The following NEU3 variants were observed in gnomAD, a reference collection of about 807,000 sequenced individuals.
NEU3 encodes sialidase-3.
In NEU3, 10 loss-of-function variants were observed where a neutral mutation model predicts 11.4. The ratio of observed to expected loss-of-function variants is 0.88; its 90% CI spans 0.54 to 1.49. The LOEUF (loss-of-function observed/expected upper bound fraction) is 1.49, where lower values mean the gene tolerates loss of function less well. NEU3 is among the 40% of genes most tolerant of loss of function. The pLI, the probability that NEU3 is intolerant of heterozygous loss-of-function variation, is 0.00. For missense variants in NEU3, 529 were observed against 581.8 expected (o/e 0.91, Z 0.93); for synonymous variants, 212 against 228.2 (o/e 0.93, Z 0.64).
chr11:75,000,098 T>C (rs1948827634), intron 2 of NEU3, among the ~76,000 whole-genome samples: 1 of 152,214 alleles, frequency 6.6e-6, no homozygotes, highest in African/African-American at 2.4e-5. Context: ...TCCTATCTTG[T>C]ATTCCCTTTA....
At chr11:75,002,819 T>A in intron 2 of NEU3, among the ~76,000 whole-genome samples, 1 of 152,362 alleles carries the variant, frequency 6.6e-6, no homozygotes, top group Non-Finnish European at 1.5e-5. Flanking sequence ...TTTTGCTTAT[T>A]TTTAATCTAT....
At chr11:74,991,199 C>T (rs1008917050) in intron 1 of NEU3, among the ~76,000 whole-genome samples, 10 of 152,128 alleles carry the variant, frequency 6.6e-5, no homozygotes, top group African/African-American at 1.4e-4. Context: ...CTGACCCTCC[C>T]GGGGAGGAGA....
At chr11:74,994,851 C>CA (rs1442002395) in intron 2 of NEU3, 131 bp downstream of exon 2, 3 of 841,786 alleles carry the variant, frequency 3.6e-6, no homozygotes, top group Non-Finnish European at 6.0e-6. Flanking sequence ...GAAAAAACAG[C>CA]AAAAACAATG....
chr11:74,997,949 C>T (rs1382203011), intron 2 of NEU3, among the ~76,000 whole-genome samples: 3 of 152,168 alleles, frequency 2.0e-5, no homozygotes, highest in African/African-American at 7.2e-5. Flanking sequence ...TGGCTTTCAA[C>T]ATGCCTTCCT....
chr11:75,008,379 G>C lies in NEU3; in HGVS notation c.*1887G>C, dbSNP rs1948920752. The C allele has an allele frequency of 6.6e-6, 1 of 152,152 alleles. No homozygotes were observed. The highest frequency in any genetic ancestry group is 1.5e-5 in the Non-Finnish European group (1 of 68,068). 9.4% of individuals were successfully genotyped at this position (152,152 alleles called of 1,614,324 possible). On this transcript the variant is annotated 3_prime_UTR_variant, in exon 3 of 3. Transcript: ENST00000294064. ...GGAGGTCTAGGGATGGGCAGGATTGGTGCAGGGAGGAATTGGGGAAGGGGA... is the reference window on the plus strand; with the variant it reads ...GGAGGTCTAGGGATGGGCAGGATTGCTGCAGGGAGGAATTGGGGAAGGGGA...
the NEU3 span, among the ~76,000 whole-genome samples, chr11:74,981,447 C>A: frequency 6.6e-6 from 1 of 152,172 alleles, no homozygotes; most frequent in Non-Finnish European, 1.5e-5. Flanking sequence ...TTGAAATGAG[C>A]AAATTTGCCT....
upstream of NEU3, among the ~76,000 whole-genome samples, chr11:74,987,015 G>T (rs980391008): frequency 6.6e-6 from 1 of 152,170 alleles, no homozygotes; most frequent in South Asian, 2.1e-4. Flanking sequence ...GGGAAGAAAA[G>T]GTGAGCAATA....
rs1008581005 is a variant in NEU3, at chr11:75,005,579, G to A, written c.473G>A (p.Arg158His). 17 of 1,613,866 alleles carry A rather than the reference G, an allele frequency of 1.1e-5. No individual in the cohort carries two copies. The Admixed American group carries it at 1.3e-4, about 13-fold the overall frequency. ...ATTGTGTCAGGCAGGAATGCTGCCCGCCTTTGCTTCATCTACAGTCAGGAT... is the reference window on the plus strand; with the variant it reads ...ATTGTGTCAGGCAGGAATGCTGCCCACCTTTGCTTCATCTACAGTCAGGAT... ...QQIVSGRNAARLCFIYSQDAG... is the reference protein window; with the variant it reads ...QQIVSGRNAAHLCFIYSQDAG... Residue 158 changes from arginine to histidine, a missense_variant, in exon 3 of 3, where the codon CGC becomes CAC. Coordinates refer to ENST00000294064, the MANE Select transcript of NEU3 (RefSeq NM_006656.6).
chr11:74,984,938 A>G (rs1332870013), upstream of NEU3, among the ~76,000 whole-genome samples: 4 of 152,204 alleles, frequency 2.6e-5, no homozygotes, highest in Non-Finnish European at 4.4e-5. Context: ...GAGGAACCTG[A>G]GGCACAGAAG....
At chr11:74,987,511 T>C (rs1948677239), upstream of NEU3, among the ~76,000 whole-genome samples, 1 of 152,120 alleles carries the variant, frequency 6.6e-6, no homozygotes, top group Admixed American at 6.5e-5. Flanking sequence ...GGGGACAAAA[T>C]AGTATTTTAA....
At chr11:74,989,950 A>G (rs1192806344) in intron 1 of NEU3, 2 of 702,376 alleles carry the variant, frequency 2.8e-6, no homozygotes, top group Admixed American at 2.0e-5. Context: ...ATTATTTTCT[A>G]TCCCGTTTCC....
At chr11:74,987,893 TTTTTC>T (rs1353198556), upstream of NEU3, among the ~76,000 whole-genome samples, 1,584 of 17,814 alleles carry the variant, frequency 0.089, 87 homozygotes, top group East Asian at 0.27. Context: ...GGCCTTTTTT[TTTTTC>T]TTTTTTTTTT....
chr11:75,019,408 C>A (rs138661828), downstream of NEU3, among the ~76,000 whole-genome samples: 729 of 152,320 alleles, frequency 4.8e-3, 9 homozygotes, highest in African/African-American at 0.016. Context: ...CTGTGTGCAG[C>A]CTAGGGACTT....
the NEU3 span, among the ~76,000 whole-genome samples, chr11:74,982,837 A>G: frequency 6.6e-6 from 1 of 152,156 alleles, no homozygotes; most frequent in Non-Finnish European, 1.5e-5. Context: ...GCAAGGAGTC[A>G]AAGTGGGATT....
rs1948767777 is a variant in NEU3 at position 74,994,623 on chromosome 11, C to T, written c.209C>T (p.Thr70Ile). ...CTGCTCTACATACCCCCCACCCACA[C>T]CTTCCTGGCCTTTGCAGAGAAGCGT... ...PALLYIPPTH[T>I]FLAFAEKRST... is the part of the protein sequence containing the mutation. The change falls in exon 2 of 3, where the codon ACC becomes ATC. Residue 70 changes from threonine to isoleucine, a missense_variant. By Grantham distance (89) the Thr-to-Ile change is moderately conservative. Transcript: ENST00000294064. The T allele has an allele frequency of 3.7e-6, 6 of 1,614,026 alleles. No individual in the cohort carries two copies. Among genetic ancestry groups the T allele is most frequent in the South Asian group, 1.1e-5 (1 of 91,084 alleles).
intron 2 of NEU3, among the ~76,000 whole-genome samples, chr11:75,002,175 C>T (rs1948851234): frequency 6.6e-6 from 1 of 152,122 alleles, no homozygotes; most frequent in Non-Finnish European, 1.5e-5. Flanking sequence ...CTGCCTCAGA[C>T]TTCCAAGTAG....
chr11:75,000,456 A>G (rs1299371812), intron 2 of NEU3, among the ~76,000 whole-genome samples: 2 of 152,064 alleles, frequency 1.3e-5, no homozygotes, highest in Non-Finnish European at 2.9e-5. Context: ...ACTACTCTAG[A>G]TATCTCATAT....
At chr11:75,004,229 G>A (rs1591760345) in intron 2 of NEU3, 1 of 627,516 alleles carries the variant, frequency 1.6e-6, no homozygotes, top group East Asian at 3.0e-5. Context: ...GTATTGTCAA[G>A]CTTTATGATT....
chr11:74,986,735 C>T (rs1948668164), upstream of NEU3, among the ~76,000 whole-genome samples: 1 of 152,168 alleles, frequency 6.6e-6, no homozygotes, highest in South Asian at 2.1e-4. Flanking sequence ...TTGCTTTTGT[C>T]AGTCCCCTCT....
Sources: allele counts gnomAD v4.1 joint callset (sites outside exome capture counted in the v4.1 genomes callset), GRCh38; gene constraint gnomAD v4.1.1; transcripts MANE v1.5; gene names NCBI Gene and HGNC (gene_info 2026-07-23, HGNC 2026-07-21).